Variants in INPP5D observed in about 807,000 individuals in gnomAD.
The protein encoded by INPP5D is inositol polyphosphate-5-phosphatase D.
INPP5D carries 33 observed loss-of-function variants against 122.9 expected under a neutral mutation model. The ratio of observed to expected loss-of-function variants is 0.27; its 90% CI spans 0.20 to 0.36. The LOEUF (loss-of-function observed/expected upper bound fraction) is 0.36, where lower values mean the gene tolerates loss of function less well. INPP5D is among the 10% of genes least tolerant of loss of function. The pLI, the probability that INPP5D is intolerant of heterozygous loss-of-function variation, is 1.00. For synonymous variants in INPP5D, 584 were observed against 576.2 expected (o/e 1.01, Z -0.19); for missense variants, 1,053 against 1,412.7 (o/e 0.75, Z 4.08).
chr2:233,135,267 GCTTATCCATC>G (rs565702630), intron 5 of INPP5D, among the ~76,000 whole-genome samples: 326 of 151,236 alleles, frequency 2.2e-3, no homozygotes, highest in Non-Finnish European at 3.5e-3. Flanking sequence ...TGGGATCATA[GCTTATCCATC>G]CTTGAACTCC....
Position 233,160,430 on chromosome 2 carries a change from CTTCTT to C in INPP5D, c.1138-1291_1138-1287del, listed in dbSNP as rs1260060829. ...GGCTATGAAAGCCTTCATGTCCTCT[CTTCTT>C]TTTAATTAGTTTCTTTAATTTAAAT... On this transcript the variant is annotated intron_variant, in intron 10 of 26. Transcript: ENST00000445964. The surrounding 1 kb of genome is among the most constrained non-coding windows in gnomAD (Gnocchi z 4.2). 6.6e-6 allele frequency among the ~76,000 whole-genome samples: 1 copy of C among 152,204 alleles called. No individual in the cohort carries two copies. Among genetic ancestry groups the C allele is most frequent in the Non-Finnish European group, 1.5e-5 (1 of 68,040 alleles).
chr2:233,080,430 GGTGTGTGTGTGT>G (rs5839469), intron 2 of INPP5D, among the ~76,000 whole-genome samples: 2 of 148,496 alleles, frequency 1.3e-5, no homozygotes, highest in African/African-American at 5.0e-5. Context: ...CCACATCCCG[GGTGTGTGTGTGT>G]GTGTGTGTGT....
chr2:233,114,591 A>G (rs1377140773), intron 2 of INPP5D, among the ~76,000 whole-genome samples: 1 of 151,926 alleles, frequency 6.6e-6, no homozygotes, highest in Non-Finnish European at 1.5e-5. Context: ...ACTGATCCTC[A>G]CTCAGCCTTG....
At chr2:233,086,189 C>CTTTCTTTCTTTCTTTCTTTCTTTT (rs60296918) in intron 2 of INPP5D, among the ~76,000 whole-genome samples, 1 of 129,528 alleles carries the variant, frequency 7.7e-6, no homozygotes, top group African/African-American at 3.0e-5. Context: ...TTCTTTCTTT[C>CTTTCTTTCTTTCTTTCTTTCTTTT]CTTTTTGAGA....
chr2:233,135,219 CA>C (rs1311707677), intron 5 of INPP5D, among the ~76,000 whole-genome samples: 1 of 147,722 alleles, frequency 6.8e-6, no homozygotes, highest in African/African-American at 2.5e-5. Context: ...TATAAAGAGA[CA>C]GCATCTCACT....
rs771262641 is a variant in INPP5D at position 233,192,634 on chromosome 2, T to TA, written c.2447-1174dup. ...CTCATTTTAAAAGTATTCCTCACTT[T>TA]AAAAGTACTATTATTGAGGCTCTGT... On this transcript the variant is annotated intron_variant, in intron 22 of 26. Transcript: ENST00000445964. Among the ~76,000 whole-genome samples the TA allele has an allele frequency of 7.9e-5, 12 of 152,362 alleles. No homozygotes were observed. The South Asian group carries it at 1.7e-3, about 21-fold the overall frequency.
At chr2:233,115,653 C>T (rs776562331) in intron 2 of INPP5D, among the ~76,000 whole-genome samples, 7 of 152,308 alleles carry the variant, frequency 4.6e-5, no homozygotes, top group East Asian at 1.9e-4. Context: ...GGTGCCAAGC[C>T]GTCAGACAAA....
At chr2:233,173,026 C>T (rs371591383) in intron 17 of INPP5D, among the ~76,000 whole-genome samples, 5 of 152,006 alleles carry the variant, frequency 3.3e-5, no homozygotes. Flanking sequence ...CTGGCCAACA[C>T]GGTGAAACCT....
chr2:233,081,421 TCTC>T (rs1457531766), intron 2 of INPP5D, among the ~76,000 whole-genome samples: 2 of 152,212 alleles, frequency 1.3e-5, no homozygotes, highest in Admixed American at 6.5e-5. Context: ...TGTGGTTTCT[TCTC>T]TTCCTTCAAA....
At chr2:233,109,643 A>C (rs959674463) in intron 2 of INPP5D, among the ~76,000 whole-genome samples, 2 of 151,908 alleles carry the variant, frequency 1.3e-5, no homozygotes, top group African/African-American at 4.8e-5. Context: ...CAATGGCGCG[A>C]TCTCGGCTCA....
chr2:233,122,112 C>T lies in INPP5D; in HGVS notation c.204C>T (p.Ser68=), dbSNP rs375111690. The change falls in exon 3 of 27, where the codon TCC becomes TCT. Residue 68 remains serine (S), a synonymous_variant. Transcript: ENST00000445964. ...NEDDKFTVQA[S]EGVSMRFFTK... is the part of the protein sequence containing the mutation. ...TTTGGATGTTCTGTCCTCAGGCATC[C>T]GAAGGCGTCTCCATGAGGTTCTTCA... The T allele has an allele frequency of 3.8e-5, 62 of 1,613,680 alleles. No individual in the cohort carries two copies. Among genetic ancestry groups the T allele is most frequent in the Non-Finnish European group, 4.8e-5 (57 of 1,179,816 alleles).
chr2:233,187,557 C>A (rs746025601), intron 21 of INPP5D, among the ~76,000 whole-genome samples: 4 of 152,220 alleles, frequency 2.6e-5, no homozygotes, highest in Admixed American at 6.5e-5. Context: ...TTGATTGGAA[C>A]CAACTCTCAG....
chr2:233,130,724 T>G, intron 5 of INPP5D, 76 bp downstream of exon 5: 2 of 1,472,038 alleles, frequency 1.4e-6, no homozygotes, highest in Non-Finnish European at 1.9e-6. Context: ...GAGCGACCTC[T>G]GCCTCTGCCT....
chr2:233,068,424 C>G (rs1324456377), intron 1 of INPP5D, among the ~76,000 whole-genome samples: 1 of 151,824 alleles, frequency 6.6e-6, no homozygotes, highest in Non-Finnish European at 1.5e-5. Context: ...GAAACCCTGT[C>G]TCTACTAAAA....
At chr2:233,124,162 A>G (rs530374278) in intron 3 of INPP5D, among the ~76,000 whole-genome samples, 2 of 151,674 alleles carry the variant, frequency 1.3e-5, no homozygotes, top group African/African-American at 4.8e-5. Context: ...ACCATGAGAT[A>G]CCTAACCGGG....
intron 18 of INPP5D, among the ~76,000 whole-genome samples, chr2:233,180,441 C>G (rs988783226): frequency 6.6e-6 from 1 of 152,172 alleles, no homozygotes; most frequent in Non-Finnish European, 1.5e-5. Context: ...AAACCTGTAC[C>G]CCTGTGCTCA....
chr2:233,164,562 G>A lies in INPP5D; in HGVS notation c.1555+138G>A. ...TCCTCAGATCCTGGCTCAGTCCTCA[G>A]CAAATAGGGGTGATTGGTCTCCCTG... On this transcript the variant is annotated intron_variant, in intron 13 of 26. Transcript: ENST00000445964. This position sits in a 1 kb window ranked among gnomAD's most constrained non-coding sequence, Gnocchi z 4.3. The A allele has an allele frequency of 7.8e-7, 1 of 1,287,598 alleles. No individual in the cohort carries two copies. The allele number at this position is 1,287,598 out of a possible 1,614,324, so 79.8% of individuals were successfully genotyped here.
In INPP5D at chr2:233,147,051, T is replaced by A. The variant is rs986209428; in HGVS notation, c.907-420T>A. 3.9e-5 allele frequency among the ~76,000 whole-genome samples: 6 copies of A among 152,138 alleles called. No individual in the cohort carries two copies. In the South Asian group the frequency reaches 1.2e-3, roughly 32 times the overall value. On this transcript the variant is annotated intron_variant, in intron 8 of 26. Coordinates refer to ENST00000445964, the MANE Select transcript of INPP5D (RefSeq NM_001017915.3). Reference sequence around the variant, plus strand: ...AGCATGCCTACGCAACTGTTGTGGGTTTTCTTTTCTATTATTATCAGTAAA... The same window carrying A: ...AGCATGCCTACGCAACTGTTGTGGGATTTCTTTTCTATTATTATCAGTAAA...
At chr2:233,185,811 T>C in intron 20 of INPP5D, 32 bp from the exon 21 acceptor site, 1 of 1,576,624 alleles carries the variant, frequency 6.3e-7, no homozygotes, top group Non-Finnish European at 8.6e-7. Context: ...TTGCTCTGTT[T>C]TCTGAAAACC....
Sources: gnomAD v4.1 joint callset for allele counts (sites outside exome capture counted in the v4.1 genomes callset) on GRCh38, gnomAD v4.1.1 for gene constraint, Gnocchi (gnomAD v3.1) non-coding constraint, MANE v1.5 for transcripts, NCBI Gene and HGNC (gene_info 2026-07-23, HGNC 2026-07-21) for gene names.